Variants in ELP4 observed in about 807,000 individuals in gnomAD.
The protein encoded by ELP4 is elongator acetyltransferase complex subunit 4.
In ELP4, 51 loss-of-function variants were observed where a neutral mutation model predicts 48.9. The observed-to-expected ratio is 1.04, with a 90% CI of 0.83 to 1.32. ELP4 has a LOEUF of 1.32. ELP4 is among the 40% of genes most tolerant of loss of function. ELP4 has a pLI of 0.00. For synonymous variants in ELP4, 210 were observed against 189.2 expected (o/e 1.11, Z -0.90); for missense variants, 519 against 514.6 (o/e 1.01, Z -0.08).
At chr11:31,686,328 G>GTT (rs376488709) in intron 9 of ELP4, among the ~76,000 whole-genome samples, 21 of 122,528 alleles carry the variant, frequency 1.7e-4, no homozygotes, top group South Asian at 2.7e-4. Context: ...TTGTGGGTTG[G>GTT]TTTTTTTTTT....
chr11:31,657,679 G>C (rs1012948537), intron 9 of ELP4, among the ~76,000 whole-genome samples: 5 of 151,732 alleles, frequency 3.3e-5, no homozygotes, highest in Non-Finnish European at 2.9e-5. Context: ...AGGAACCCTT[G>C]CATACATACT....
At chr11:31,549,467 C>A (rs1202874567) in intron 3 of ELP4, among the ~76,000 whole-genome samples, 1 of 151,896 alleles carries the variant, frequency 6.6e-6, no homozygotes, top group Non-Finnish European at 1.5e-5. Flanking sequence ...GAATGGCAAT[C>A]ATTAAAAAGT....
chr11:31,523,575 A>C lies in ELP4; in HGVS notation c.259+3484A>C, dbSNP rs1385477765. On this transcript the variant is annotated intron_variant, in intron 2 of 9. Coordinates refer to ENST00000640961, the MANE Select transcript of ELP4 (RefSeq NM_019040.5). ...AATGAGCACTGCCAGAAAAACCTAA[A>C]ATAAGTCCACTCTAGACCTTCTGAA... 2.0e-5 allele frequency among the ~76,000 whole-genome samples: 3 copies of C among 152,156 alleles called. 1 individual carries two copies. In the South Asian group the frequency reaches 6.2e-4, roughly 31 times the overall value.
intron 3 of ELP4, among the ~76,000 whole-genome samples, chr11:31,540,503 A>T (rs532759947): frequency 3.9e-5 from 6 of 152,244 alleles, no homozygotes. Context: ...TTTAATTTTG[A>T]AGAGATGAGG....
At chr11:31,623,390 T>TATATATATATATATATATATATAAAA (rs67986763) in intron 5 of ELP4, among the ~76,000 whole-genome samples, 4 of 92,610 alleles carry the variant, frequency 4.3e-5, no homozygotes, top group African/African-American at 1.4e-4. Flanking sequence ...TATATATATA[T>TATATATATATATATATATATATAAAA]AAAACTAGAA....
At chr11:31,619,047 C>A (rs1030314385) in intron 5 of ELP4, among the ~76,000 whole-genome samples, 18 of 151,868 alleles carry the variant, frequency 1.2e-4, no homozygotes, top group Non-Finnish European at 2.2e-4. Flanking sequence ...ATTGGAGGCA[C>A]TGAATTTTAG....
chr11:31,670,847 A>T (rs1945792358), intron 9 of ELP4, among the ~76,000 whole-genome samples: 1 of 151,746 alleles, frequency 6.6e-6, no homozygotes, highest in African/African-American at 2.4e-5. Flanking sequence ...TCATAAGGTT[A>T]TTTTTTTCTA....
intron 2 of ELP4, among the ~76,000 whole-genome samples, chr11:31,525,185 G>A (rs1956278557): frequency 6.6e-6 from 1 of 152,136 alleles, no homozygotes; most frequent in Admixed American, 6.5e-5. Context: ...CTTGCTTTCT[G>A]ATTCCTTAAG....
chr11:31,602,742 A>G (rs11031427), intron 4 of ELP4, among the ~76,000 whole-genome samples: 41,218 of 151,726 alleles, frequency 0.27, 5,934 homozygotes, highest in African/African-American at 0.36. Flanking sequence ...TGTCACTTAG[A>G]TAAGTATCTA....
At chr11:31,677,139 C>T (rs1025439572) in intron 9 of ELP4, among the ~76,000 whole-genome samples, 2 of 152,176 alleles carry the variant, frequency 1.3e-5, no homozygotes, top group Non-Finnish European at 2.9e-5. Flanking sequence ...CAAAGTCCGA[C>T]TTCATTTTTA....
chr11:31,516,820 T>C (rs1024720685), intron 1 of ELP4, among the ~76,000 whole-genome samples: 1 of 152,192 alleles, frequency 6.6e-6, no homozygotes, highest in African/African-American at 2.4e-5. Context: ...TATCATGATG[T>C]ACATTTCAGC....
At chr11:31,689,039 C>G (rs907963432) in intron 9 of ELP4, 2 of 152,064 alleles carry the variant, frequency 1.3e-5, no homozygotes, top group African/African-American at 4.8e-5. Context: ...GCACAGGGTT[C>G]GCTTTAATTC....
At chr11:31,582,408 TC>T (rs1325870989) in intron 3 of ELP4, among the ~76,000 whole-genome samples, 1 of 152,236 alleles carries the variant, frequency 6.6e-6, no homozygotes, top group Non-Finnish European at 1.5e-5. Flanking sequence ...ATTATTTTTT[TC>T]GCAAATCTGC....
At chr11:31,779,114 AT>A (rs1948312395) in intron 9 of ELP4, among the ~76,000 whole-genome samples, 1 of 152,226 alleles carries the variant, frequency 6.6e-6, no homozygotes, top group African/African-American at 2.4e-5. Flanking sequence ...AGCAATACAA[AT>A]TGTGACTTTT....
chr11:31,590,397 A>G (rs1404657900), intron 3 of ELP4, among the ~76,000 whole-genome samples: 1 of 152,168 alleles, frequency 6.6e-6, no homozygotes, highest in Non-Finnish European at 1.5e-5. Context: ...CCCCTACCTC[A>G]CACAGTATAT....
intron 9 of ELP4, among the ~76,000 whole-genome samples, chr11:31,746,571 A>G (rs188901612): frequency 1.3e-5 from 2 of 152,212 alleles, no homozygotes; most frequent in African/African-American, 4.8e-5. Flanking sequence ...AAAAATGATG[A>G]GTTCATGTCC....
At chr11:31,536,200 TAA>T (rs149504940) in intron 2 of ELP4, among the ~76,000 whole-genome samples, 1 of 148,558 alleles carries the variant, frequency 6.7e-6, no homozygotes, top group Non-Finnish European at 1.5e-5. Context: ...TTTTGGCTAT[TAA>T]AAAAAAAAGC....
At chr11:31,610,815 T>G (rs1468925016) in intron 5 of ELP4, among the ~76,000 whole-genome samples, 1 of 152,200 alleles carries the variant, frequency 6.6e-6, no homozygotes, top group Non-Finnish European at 1.5e-5. Context: ...GGTTTTGTTT[T>G]ATTATTTTCC....
intron 5 of ELP4, among the ~76,000 whole-genome samples, chr11:31,607,963 A>T (rs1018824326): frequency 6.6e-6 from 1 of 151,994 alleles, no homozygotes; most frequent in Admixed American, 6.6e-5. Context: ...TAAGTCAATC[A>T]AGGCCTTTGT....
Sources: allele counts gnomAD v4.1 joint callset (sites outside exome capture counted in the v4.1 genomes callset), GRCh38; gene constraint gnomAD v4.1.1; transcripts MANE v1.5; gene names NCBI Gene and HGNC (gene_info 2026-07-23, HGNC 2026-07-21).